Variants in MACROD2 observed in about 807,000 individuals in gnomAD.
The protein encoded by MACROD2 is mono-ADP ribosylhydrolase 2.
In MACROD2, 36 loss-of-function variants were observed where a neutral mutation model predicts 70.4. The ratio of observed to expected loss-of-function variants is 0.51; its 90% confidence interval spans 0.39 to 0.68. The LOEUF is 0.68. Ranked by LOEUF, MACROD2 falls within the 30% of genes least tolerant of loss-of-function variation. MACROD2 has a pLI of 0.00. For missense variants in MACROD2, 496 were observed against 538.4 expected (o/e 0.92, Z 0.78); for synonymous variants, 172 against 178.8 (o/e 0.96, Z 0.30).
At chr20:14,639,584 A>T (rs190510806) in intron 4 of MACROD2, among the ~76,000 whole-genome samples, 1 of 152,188 alleles carries the variant, frequency 6.6e-6, no homozygotes, top group Non-Finnish European at 1.5e-5. Context: ...TACGCAATTC[A>T]GTGAGAATTT....
At chr20:15,732,423 A>G (rs2050957649) in intron 8 of MACROD2, among the ~76,000 whole-genome samples, 2 of 152,310 alleles carry the variant, frequency 1.3e-5, no homozygotes, top group South Asian at 4.1e-4. Flanking sequence ...AGCTCCTTGC[A>G]CAAGAATCAA....
In MACROD2 at chr20:14,467,655, C is replaced by T. The variant is rs143290497; in HGVS notation, c.272-25824C>T. 2.1e-3 allele frequency among the ~76,000 whole-genome samples: 317 copies of T among 152,040 alleles called. 1 individual carries two copies. Among genetic ancestry groups the T allele is most frequent in the African/African-American group, 6.9e-3 (286 of 41,424 alleles). On this transcript the variant is annotated intron_variant, in intron 3 of 17. Coordinates refer to ENST00000684519, the MANE Select transcript of MACROD2 (RefSeq NM_001351661.2). The stretch of plus-strand genomic sequence containing the variant: ...GCTGTAGACTGGAGCTGTTTCTATT[C>T]GGCTATCTTGGCTCCACCCCTTCTC...
At chr20:15,605,702 A>AAGCAGTAGTTCT (rs2048884167) in intron 8 of MACROD2, among the ~76,000 whole-genome samples, 1 of 152,184 alleles carries the variant, frequency 6.6e-6, no homozygotes, top group Admixed American at 6.5e-5. Flanking sequence ...TCTAATTTAG[A>AAGCAGTAGTTCT]AGCAGTAGTT....
intron 4 of MACROD2, among the ~76,000 whole-genome samples, chr20:14,679,573 T>G (rs1006817620): frequency 1.3e-5 from 2 of 152,240 alleles, no homozygotes; most frequent in African/African-American, 4.8e-5. Context: ...CAGACTCACA[T>G]TTTATAAAAA....
At chr20:14,574,014 G>C (rs778477589) in intron 4 of MACROD2, among the ~76,000 whole-genome samples, 1 of 152,154 alleles carries the variant, frequency 6.6e-6, no homozygotes, top group Non-Finnish European at 1.5e-5. Flanking sequence ...TGAAGTAGTA[G>C]CCTTAACCAC....
At chr20:14,528,669 G>A (rs1434728971) in intron 4 of MACROD2, among the ~76,000 whole-genome samples, 5 of 151,758 alleles carry the variant, frequency 3.3e-5, no homozygotes, top group East Asian at 1.9e-4. Flanking sequence ...TGCGGGGGTT[G>A]GGGGGGCCCA....
intron 5 of MACROD2, among the ~76,000 whole-genome samples, chr20:14,718,161 C>T (rs1245967909): frequency 3.3e-5 from 5 of 151,476 alleles, no homozygotes; most frequent in Non-Finnish European, 7.4e-5. Context: ...GGCGTGGTGG[C>T]ACGTGCCTGT....
intron 5 of MACROD2, among the ~76,000 whole-genome samples, chr20:14,804,745 G>A (rs1007216874): frequency 2.6e-5 from 4 of 151,990 alleles, no homozygotes; most frequent in South Asian, 2.1e-4. Context: ...TCCTGTTGCC[G>A]TGGTCACTAG....
chr20:15,410,812 T>A (rs1022937978), intron 6 of MACROD2, among the ~76,000 whole-genome samples: 10 of 152,154 alleles, frequency 6.6e-5, no homozygotes, highest in Non-Finnish European at 1.2e-4. Flanking sequence ...TTGCCAAACC[T>A]CTAGGCAAAC....
At chr20:15,478,526 G>A (rs1389935534) in intron 7 of MACROD2, among the ~76,000 whole-genome samples, 1 of 148,490 alleles carries the variant, frequency 6.7e-6, no homozygotes, top group Admixed American at 6.8e-5. Context: ...TGTATGCATG[G>A]TTGCGTGCAT....
intron 3 of MACROD2, among the ~76,000 whole-genome samples, chr20:14,263,676 A>G (rs2082118972): frequency 6.6e-6 from 1 of 152,052 alleles, no homozygotes; most frequent in African/African-American, 2.4e-5. Context: ...AGAAACGAAG[A>G]AAAGCCAGGC....
chr20:15,961,696 C>G (rs2066064329), intron 12 of MACROD2, among the ~76,000 whole-genome samples: 1 of 152,172 alleles, frequency 6.6e-6, no homozygotes, highest in East Asian at 1.9e-4. Flanking sequence ...ATTATCAGAT[C>G]AAATTAAGCC....
chr20:14,385,385 T>G (rs1468260976), intron 3 of MACROD2, among the ~76,000 whole-genome samples: 1 of 152,110 alleles, frequency 6.6e-6, no homozygotes, highest in Non-Finnish European at 1.5e-5. Context: ...TCTGTTGTGA[T>G]TCATAGTTTA....
At chr20:15,613,852 C>G (rs1055681508) in intron 8 of MACROD2, among the ~76,000 whole-genome samples, 5 of 152,190 alleles carry the variant, frequency 3.3e-5, no homozygotes, top group African/African-American at 1.2e-4. Context: ...GATAAGTTGG[C>G]TGAATACAGA....
At position 14,027,262 on chromosome 20, in the gene MACROD2, C is replaced by T. The variant is rs546855399; in HGVS notation, c.163+24858C>T. On this transcript the variant is annotated intron_variant, in intron 2 of 17. Coordinates refer to ENST00000684519, the MANE Select transcript of MACROD2 (RefSeq NM_001351661.2). ...CGCTTGATCGATTCGGCTATTGATA[C>T]TTGTATATGCTTCACGAAGTTCTCG... Among the ~76,000 whole-genome samples, 8 of 152,102 alleles carry T rather than the reference C, an allele frequency of 5.3e-5. No individual in the cohort carries two copies. The South Asian group carries it at 1.7e-3, about 32-fold the overall frequency.
chr20:14,479,804 A>G (rs1324650874), intron 3 of MACROD2, among the ~76,000 whole-genome samples: 1 of 152,174 alleles, frequency 6.6e-6, no homozygotes, highest in Non-Finnish European at 1.5e-5. Flanking sequence ...CTTCAACATC[A>G]TGATTCTGAT....
chr20:14,390,805 G>A (rs1023444206), intron 3 of MACROD2, among the ~76,000 whole-genome samples: 2 of 152,102 alleles, frequency 1.3e-5, no homozygotes, highest in African/African-American at 4.8e-5. Flanking sequence ...ATTAACACAT[G>A]AGCAAAGGAC....
intron 6 of MACROD2, among the ~76,000 whole-genome samples, chr20:15,336,518 C>G (rs1295030239): frequency 2.6e-5 from 4 of 151,650 alleles, no homozygotes; most frequent in Non-Finnish European, 5.9e-5. Flanking sequence ...TCATCTCTTT[C>G]TGCATCACCC....
intron 5 of MACROD2, among the ~76,000 whole-genome samples, chr20:14,743,798 G>C (rs1437042832): frequency 6.6e-6 from 1 of 152,132 alleles, no homozygotes; most frequent in Non-Finnish European, 1.5e-5. Context: ...ATGTGAGTAA[G>C]GACTTTCAGA....
Sources: allele counts gnomAD v4.1 joint callset (sites outside exome capture counted in the v4.1 genomes callset), GRCh38; gene constraint gnomAD v4.1.1; transcripts MANE v1.5; gene names NCBI Gene and HGNC (gene_info 2026-07-23, HGNC 2026-07-21).